Variants in FBXL20 observed in about 807,000 individuals in gnomAD.
FBXL20 encodes the protein F-box/LRR-repeat protein 20.
A neutral mutation model predicts 64.0 loss-of-function variants in FBXL20; 11 were observed. The ratio of observed to expected loss-of-function variants is 0.17; its 90% CI spans 0.11 to 0.28. The LOEUF (loss-of-function observed/expected upper bound fraction) is 0.28. Among genes scored for constraint, FBXL20 ranks in the 10% least tolerant of loss-of-function variants. The probability of loss-of-function intolerance (pLI) is 1.00; values close to 1 mark genes in which losing one functional copy is unlikely to be tolerated. For missense variants in FBXL20, 303 were observed against 526.2 expected (o/e 0.58, Z 4.15); for synonymous variants, 184 against 189.0 (o/e 0.97, Z 0.22).
At chr17:39,299,837 C>T (rs1053342124) in intron 4 of FBXL20, among the ~76,000 whole-genome samples, 1 of 151,542 alleles carries the variant, frequency 6.6e-6, no homozygotes, top group African/African-American at 2.4e-5. Context: ...GTGGATTCCG[C>T]CTATAATCCC....
rs1305171358 is a variant in FBXL20, at chr17:39,254,633, G to C, written c.*6827C>G. 6.5e-6 allele frequency: 1 copy of C among 154,390 alleles called. No individual in the cohort carries two copies. The highest frequency in any genetic ancestry group is 6.5e-5 in the Admixed American group (1 of 15,272). The allele number at this position is 154,390 out of a possible 1,614,324, so 9.6% of individuals were successfully genotyped here. A position where few individuals can be genotyped will look rare whatever the true frequency, so the allele number is the denominator to read the frequency against. ...TAGGAGCCCTCTTTGCCAGTAAAAA[G>C]GGGTGCAGTTGATCAGAGAGGAAAG... On this transcript the variant is annotated 3_prime_UTR_variant, in exon 15 of 15. Transcript: ENST00000264658.
chr17:39,256,108 G>A lies in FBXL20; in HGVS notation c.*5352C>T, dbSNP rs1245731922. 1.3e-5 allele frequency: 2 copies of A among 152,092 alleles called. No homozygotes were observed. The highest frequency in any genetic ancestry group is 4.8e-5 in the African/African-American group (2 of 41,380). 9.4% of individuals were successfully genotyped at this position (152,092 alleles called of 1,614,324 possible). ...GGCCAAGGCAGGTGGACCACTTGAG[G>A]TCAGAAGTTCGAGACTAGCCTGGCC... On this transcript the variant is annotated 3_prime_UTR_variant, in exon 15 of 15. Transcript: ENST00000264658.
At chr17:39,346,351 G>A (rs1427649135) in intron 1 of FBXL20, among the ~76,000 whole-genome samples, 1 of 151,294 alleles carries the variant, frequency 6.6e-6, no homozygotes, top group African/African-American at 2.4e-5. Context: ...AAAAAAAAAA[G>A]ATAATCATCA....
chr17:39,360,311 G>T (rs540284058), intron 1 of FBXL20, among the ~76,000 whole-genome samples: 1 of 152,292 alleles, frequency 6.6e-6, no homozygotes, highest in African/African-American at 2.4e-5. Flanking sequence ...CATGTGGATG[G>T]TGGTGACAGG....
At chr17:39,291,428 TTTC>T (rs1176661655) in intron 6 of FBXL20, among the ~76,000 whole-genome samples, 6 of 146,904 alleles carry the variant, frequency 4.1e-5, no homozygotes, top group East Asian at 4.0e-4. Context: ...TTTTAAAACT[TTTC>T]TTTTTTTTTT....
chr17:39,386,402 G>A (rs989924061), intron 1 of FBXL20, among the ~76,000 whole-genome samples: 1 of 152,092 alleles, frequency 6.6e-6, no homozygotes, highest in African/African-American at 2.4e-5. Flanking sequence ...GCCAGGGCGG[G>A]GTGGATCACT....
intron 1 of FBXL20, among the ~76,000 whole-genome samples, chr17:39,349,714 A>G (rs2047668964): frequency 6.6e-6 from 1 of 152,162 alleles, no homozygotes; most frequent in African/African-American, 2.4e-5. Context: ...AGGCAGGCAG[A>G]TCACGAGGTC....
chr17:39,394,981 T>G (rs1046359384), intron 1 of FBXL20, among the ~76,000 whole-genome samples: 1 of 152,088 alleles, frequency 6.6e-6, no homozygotes, highest in African/African-American at 2.4e-5. Flanking sequence ...ACTTATAAAT[T>G]TGCAAGAAAA....
At chr17:39,385,809 A>T (rs755852540) in intron 1 of FBXL20, among the ~76,000 whole-genome samples, 2 of 151,908 alleles carry the variant, frequency 1.3e-5, no homozygotes, top group Non-Finnish European at 2.9e-5. Context: ...AGGTGGGCAG[A>T]TCATGAGCTC....
At chr17:39,268,803 C>A in intron 12 of FBXL20, 24 bp downstream of exon 12, 1 of 1,601,784 alleles carries the variant, frequency 6.2e-7, no homozygotes, top group East Asian at 2.2e-5. Flanking sequence ...TACTGTATTT[C>A]TGAATTAAAA....
chr17:39,355,367 G>A (rs1425439260), intron 1 of FBXL20, among the ~76,000 whole-genome samples: 3 of 151,978 alleles, frequency 2.0e-5, no homozygotes, highest in East Asian at 1.9e-4. Flanking sequence ...CATGAGCCAC[G>A]ACACCTGGCC....
intron 1 of FBXL20, among the ~76,000 whole-genome samples, chr17:39,378,098 G>C (rs1483500279): frequency 6.6e-6 from 1 of 152,156 alleles, no homozygotes; most frequent in Admixed American, 6.6e-5. Context: ...ATTAGGTTGG[G>C]AAAGACACTA....
At position 39,390,255 on chromosome 17, in the gene FBXL20, T is replaced by C. The variant is rs543946939; in HGVS notation, c.42+11106A>G. Among the ~76,000 whole-genome samples the C allele has an allele frequency of 5.3e-4, 80 of 151,976 alleles. 1 individual carries two copies. Among genetic ancestry groups the C allele is most frequent in the African/African-American group, 1.6e-3 (68 of 41,446 alleles). ...GGGCAACATGGCGAAATCCCATCTC[T>C]ACAAAAAAATACAAAAATTGGCCAG... On this transcript the variant is annotated intron_variant, in intron 1 of 14. Coordinates refer to ENST00000264658, the MANE Select transcript of FBXL20 (RefSeq NM_032875.3).
intron 2 of FBXL20, among the ~76,000 whole-genome samples, chr17:39,341,824 T>C (rs1215137222): frequency 6.6e-6 from 1 of 152,198 alleles, no homozygotes; most frequent in Non-Finnish European, 1.5e-5. Flanking sequence ...ATTTAGAAGT[T>C]TCTCCTCATC....
chr17:39,388,158 T>C (rs190699795), intron 1 of FBXL20, among the ~76,000 whole-genome samples: 4 of 152,220 alleles, frequency 2.6e-5, no homozygotes, highest in Admixed American at 2.0e-4. Context: ...ATTCTTTCTA[T>C]ATTAAAAACT....
At chr17:39,296,268 T>A (rs1446430862) in intron 6 of FBXL20, among the ~76,000 whole-genome samples, 2 of 152,066 alleles carry the variant, frequency 1.3e-5, no homozygotes, top group East Asian at 3.9e-4. Flanking sequence ...ATAGGAATAC[T>A]TATTAGCAGA....
At chr17:39,266,099 GTC>G (rs2046789870) in intron 12 of FBXL20, among the ~76,000 whole-genome samples, 2 of 117,852 alleles carry the variant, frequency 1.7e-5, no homozygotes, top group South Asian at 2.7e-4. Context: ...TTGAGACAGA[GTC>G]TCTGTTGCTC....
chr17:39,343,547 A>C (rs2047602662), intron 1 of FBXL20, among the ~76,000 whole-genome samples: 1 of 152,128 alleles, frequency 6.6e-6, no homozygotes, highest in African/African-American at 2.4e-5. Flanking sequence ...TTCACTTTAT[A>C]GATAGGAAGC....
At chr17:39,382,501 T>C (rs941678399) in intron 1 of FBXL20, among the ~76,000 whole-genome samples, 3 of 151,514 alleles carry the variant, frequency 2.0e-5, no homozygotes, top group Non-Finnish European at 4.4e-5. Context: ...AACAGACTTA[T>C]GAATGTATTC....
Sources: gnomAD v4.1 joint callset for allele counts (sites outside exome capture counted in the v4.1 genomes callset) on GRCh38, gnomAD v4.1.1 for gene constraint, MANE v1.5 for transcripts, NCBI Gene and HGNC (gene_info 2026-07-23, HGNC 2026-07-21) for gene names.